THAP6: variants seen among roughly 807,000 people sequenced by gnomAD.
The protein encoded by THAP6 is THAP domain-containing protein 6.
THAP6 carries 13 observed loss-of-function variants against 20.0 expected under a neutral mutation model. The observed-to-expected ratio is 0.65, with a 90% CI of 0.42 to 1.03. The LOEUF is 1.03. Among genes scored for constraint, THAP6 ranks in the 50% least tolerant of loss-of-function variants. The probability of loss-of-function intolerance (pLI) is 0.00; values close to 1 mark genes in which losing one functional copy is unlikely to be tolerated. For synonymous variants in THAP6, 93 were observed against 92.2 expected (o/e 1.01, Z -0.05); for missense variants, 262 against 261.6 (o/e 1.00, Z -0.01).
rs777858301 is a variant in THAP6, at chr4:75,521,846, A to G, written c.399A>G (p.Gln133=). 16 of 1,613,312 alleles carry G rather than the reference A, an allele frequency of 9.9e-6. No homozygotes were observed. Among genetic ancestry groups the G allele is most frequent in the Non-Finnish European group, 1.3e-5 (15 of 1,179,588 alleles). The change falls in exon 4 of 5, where the codon CAA becomes CAG. Residue 133 remains glutamine (Q), a synonymous_variant. Coordinates refer to ENST00000311638, the MANE Select transcript of THAP6 (RefSeq NM_144721.6). ...VGASSCIEEF[Q]SQFIFEHSYS... ...CTTCCTCATGTATTGAAGAATTCCA[A>G]TCCCAGTTCATTTTTGTAAGTAAAT...
At chr4:75,522,925 G>A (rs1726121843) in intron 4 of THAP6, among the ~76,000 whole-genome samples, 1 of 152,102 alleles carries the variant, frequency 6.6e-6, no homozygotes, top group African/African-American at 2.4e-5. Context: ...TCCCTTTGAT[G>A]TACTGGTTTC....
At chr4:75,545,163 G>A (rs147586235) in intron 3 of THAP6, among the ~76,000 whole-genome samples, 1 of 152,310 alleles carries the variant, frequency 6.6e-6, no homozygotes, top group Non-Finnish European at 1.5e-5. Flanking sequence ...CATAGATGAG[G>A]AAATTGAGAG....
At chr4:75,524,901 C>T (rs1726271306) in intron 4 of THAP6, among the ~76,000 whole-genome samples, 1 of 152,090 alleles carries the variant, frequency 6.6e-6, no homozygotes, top group Non-Finnish European at 1.5e-5. Context: ...GACTTACAGA[C>T]ATGTGCCACC....
downstream of THAP6, among the ~76,000 whole-genome samples, chr4:75,531,280 G>A (rs1405386940): frequency 1.3e-5 from 2 of 152,196 alleles, no homozygotes; most frequent in Admixed American, 1.3e-4. Context: ...TCTTTAATGA[G>A]CTTCCCTGGT....
At position 75,536,759 on chromosome 4, in the gene THAP6, C is replaced by T. The variant is rs569032213; in HGVS notation, c.166-5650C>T. Among the ~76,000 whole-genome samples, 62 of 152,226 alleles carry T rather than the reference C, an allele frequency of 4.1e-4. 1 individual carries two copies. In the South Asian group the frequency reaches 0.012, roughly 31 times the overall value. On this transcript the variant is annotated intron_variant, in intron 2 of 4. Transcript: ENST00000502620. Reference sequence around the variant, plus strand: ...CTGGGCTCACGCAGTCTGCCCACCTCAGCCTCCCGCAATCTGCCCACCTCG... The same window carrying T: ...CTGGGCTCACGCAGTCTGCCCACCTTAGCCTCCCGCAATCTGCCCACCTCG...
chr4:75,527,020 A>G lies in THAP6; in HGVS notation c.475A>G (p.Ile159Val). ...KKLKHKLDHV[I>V]GELEDTKESL... ...ACTTAAGCATAAATTAGATCATGTG[A>G]TCGGCGAGCTAGAGGATACAAAGGA... Residue 159 changes from isoleucine to valine, a missense_variant, in exon 5 of 5, where the codon ATC becomes GTC. Ile to Val is a conservative substitution (Grantham distance 29). Transcript: ENST00000311638. The G allele has an allele frequency of 6.2e-7, 1 of 1,614,118 alleles. No homozygotes were observed. The highest frequency in any genetic ancestry group is 8.5e-7 in the Non-Finnish European group (1 of 1,179,976).
chr4:75,522,132 A>G (rs1025280664), intron 4 of THAP6: 2 of 422,246 alleles, frequency 4.7e-6, no homozygotes, highest in African/African-American at 4.0e-5. Flanking sequence ...AACTGCTATA[A>G]TTTCCGTATG....
intron 4 of THAP6, among the ~76,000 whole-genome samples, chr4:75,523,927 G>T (rs1352650102): frequency 6.6e-6 from 1 of 151,710 alleles, no homozygotes; most frequent in Non-Finnish European, 1.5e-5. Flanking sequence ...AATCCATTTT[G>T]ATTTGATTTT....
At chr4:75,526,866 G>A in intron 4 of THAP6, 94 bp from the exon 5 acceptor site, 1 of 1,496,258 alleles carries the variant, frequency 6.7e-7, no homozygotes, top group South Asian at 1.4e-5. Flanking sequence ...TGTTCTCCAG[G>A]CATTGTAAAT....
Position 75,529,991 on chromosome 4 carries a change from T to C in THAP6, c.*2777T>C. ...TAATTGAGAGAGAGAAAATCTATTATAATTTATTTGAAAAATAAAACATTT... is the reference window on the plus strand; with the variant it reads ...TAATTGAGAGAGAGAAAATCTATTACAATTTATTTGAAAAATAAAACATTT... On this transcript the variant is annotated 3_prime_UTR_variant, in exon 5 of 5. Transcript: ENST00000311638. 1.1e-6 allele frequency: 1 copy of C among 916,536 alleles called. No homozygotes were observed. Among genetic ancestry groups the C allele is most frequent in the Non-Finnish European group, 1.3e-6 (1 of 767,144 alleles). 56.8% of individuals were successfully genotyped at this position (916,536 alleles called of 1,614,324 possible).
Position 75,516,862 on chromosome 4 carries a change from A to T in THAP6, c.171A>T (p.Lys57Asn). 1 of 1,614,194 alleles carries T rather than the reference A, an allele frequency of 6.2e-7. No individual in the cohort carries two copies. Among genetic ancestry groups the T allele is most frequent in the Non-Finnish European group, 8.5e-7 (1 of 1,180,038 alleles). Reference protein sequence around the residue: ...VNAAGIWEPKKGDVLCSRHFK... With the variant: ...VNAAGIWEPKNGDVLCSRHFK... ...CAGCCGGCATTTGGGAGCCTAAAAA[A>T]GGAGATGTGTTGTGTTCGAGGCACT... Residue 57 changes from lysine (K) to asparagine (N), a missense_variant, in exon 3 of 5, where the codon AAA (lysine) becomes AAT (asparagine). Coordinates refer to ENST00000311638, the MANE Select transcript of THAP6 (RefSeq NM_144721.6).
chr4:75,516,142 T>C (rs889602705), intron 2 of THAP6, among the ~76,000 whole-genome samples: 1 of 152,246 alleles, frequency 6.6e-6, no homozygotes, highest in Non-Finnish European at 1.5e-5. Context: ...GCTATTTTGT[T>C]AGATATAATA....
In THAP6 at chr4:75,529,671, C is replaced by T. The variant is rs1298115597; in HGVS notation, c.*2457C>T. The T allele has an allele frequency of 1.0e-6, 1 of 985,468 alleles. No individual in the cohort carries two copies. Among genetic ancestry groups the T allele is most frequent in the Non-Finnish European group, 1.2e-6 (1 of 829,962 alleles). The allele number at this position is 985,468 out of a possible 1,614,324, so 61.0% of individuals were successfully genotyped here. A position where few individuals can be genotyped will look rare whatever the true frequency, so the allele number is the denominator to read the frequency against. On this transcript the variant is annotated 3_prime_UTR_variant, in exon 5 of 5. Coordinates refer to ENST00000311638, the MANE Select transcript of THAP6 (RefSeq NM_144721.6). Reference sequence around the variant, plus strand: ...GTAAAGCAAAACCCAAGTCATCCCCCTCCAGAAATTTCTCTGGCAGCCAAG... The same window carrying T: ...GTAAAGCAAAACCCAAGTCATCCCCTTCCAGAAATTTCTCTGGCAGCCAAG...
intron 3 of THAP6, among the ~76,000 whole-genome samples, chr4:75,520,913 T>G (rs891229127): frequency 1.3e-5 from 2 of 152,224 alleles, no homozygotes; most frequent in African/African-American, 4.8e-5. Flanking sequence ...TGTTTTTTCA[T>G]GTGTTTATTG....
intron 1 of THAP6, 99 bp from the exon 2 acceptor site, chr4:75,515,334 T>C (rs1578254816): frequency 8.9e-7 from 1 of 1,128,864 alleles, no homozygotes; most frequent in Admixed American, 1.8e-5. Flanking sequence ...GTCTTTAGCT[T>C]TCTATCCTGA....
chr4:75,515,865 G>A (rs1432713381), intron 2 of THAP6, among the ~76,000 whole-genome samples: 3 of 152,226 alleles, frequency 2.0e-5, no homozygotes, highest in Non-Finnish European at 4.4e-5. Context: ...AAGGAGCTTT[G>A]CTCGAATATA....
intron 4 of THAP6, 150 bp from the exon 5 acceptor site, chr4:75,526,810 C>G (rs1465095311): frequency 3.4e-6 from 4 of 1,190,814 alleles, no homozygotes; most frequent in Non-Finnish European, 4.6e-6. Flanking sequence ...GCTTCTACCC[C>G]CATCTTCTTC....
downstream of THAP6, among the ~76,000 whole-genome samples, chr4:75,533,099 T>C (rs1726737006): frequency 6.6e-6 from 1 of 152,184 alleles, no homozygotes; most frequent in East Asian, 1.9e-4. Context: ...TTCTGAACTT[T>C]TATGCTCTCC....
chr4:75,547,150 C>G (rs1310425228), intron 3 of THAP6, among the ~76,000 whole-genome samples: 1 of 152,176 alleles, frequency 6.6e-6, no homozygotes, highest in Non-Finnish European at 1.5e-5. Flanking sequence ...CAGGGGCAGA[C>G]CCTTCTCCCT....
Sources: allele counts gnomAD v4.1 joint callset (sites outside exome capture counted in the v4.1 genomes callset), GRCh38; gene constraint gnomAD v4.1.1; transcripts MANE v1.5; gene names NCBI Gene and HGNC (gene_info 2026-07-23, HGNC 2026-07-21).